The following RAP1GAP variants were observed in gnomAD, a reference collection of about 807,000 sequenced individuals.
RAP1GAP encodes RAP1 GTPase activating protein, also known as rap1 GTPase-activating protein 1.
A neutral mutation model predicts 87.2 loss-of-function variants in RAP1GAP; 35 were observed. The ratio of observed to expected loss-of-function variants is 0.40; its 90% confidence interval spans 0.31 to 0.53. The LOEUF (loss-of-function observed/expected upper bound fraction) is 0.53, where lower values mean the gene tolerates loss of function less well. RAP1GAP is among the 20% of genes least tolerant of loss of function. The probability of loss-of-function intolerance (pLI) is 0.48; values close to 1 mark genes in which losing one functional copy is unlikely to be tolerated. For missense variants in RAP1GAP, 734 were observed against 898.9 expected (o/e 0.82, Z 2.35); for synonymous variants, 375 against 363.9 (o/e 1.03, Z -0.35).
rs1228583458 is a variant in RAP1GAP at position 21,622,349 on chromosome 1, G to A, written c.-18-2299C>T. On this transcript the variant is annotated intron_variant, in intron 3 of 24. Coordinates refer to ENST00000374765, the MANE Select transcript of RAP1GAP (RefSeq NM_002885.4). This position sits in a 1 kb window ranked among gnomAD's most constrained non-coding sequence, Gnocchi z 5.7. The stretch of plus-strand genomic sequence containing the variant: ...CGCCCGGGTCCTCACCTGCCAGCTG[G>A]CCCCCGCGGGCAGCGAGCCCCTCCG... 2 of 470,886 alleles carry A rather than the reference G, an allele frequency of 4.2e-6. No homozygotes were observed. Among genetic ancestry groups the A allele is most frequent in the Admixed American group, 3.8e-5 (1 of 25,978 alleles). The allele number at this position is 470,886 out of a possible 1,614,324, so 29.2% of individuals were successfully genotyped here.
In RAP1GAP at chr1:21,609,152, C is replaced by T. The variant is rs953886527; in HGVS notation, c.1072-216G>A. On this transcript the variant is annotated intron_variant, in intron 15 of 24. Coordinates refer to ENST00000374765, the MANE Select transcript of RAP1GAP (RefSeq NM_002885.4). The surrounding 1 kb of genome is among the most constrained non-coding windows in gnomAD (Gnocchi z 4.4). ...TGCCCTTCATGGCTGCCCACGCCTT[C>T]GGGAGAGCAAACTCCACAGATGTTA... 1.3e-5 allele frequency among the ~76,000 whole-genome samples: 2 copies of T among 152,140 alleles called. No individual in the cohort carries two copies. The highest frequency in any genetic ancestry group is 2.9e-5 in the Non-Finnish European group (2 of 68,022).
intron 19 of RAP1GAP, among the ~76,000 whole-genome samples, 181 bp downstream of exon 19, chr1:21,602,623 G>C (rs374944277): frequency 6.6e-6 from 1 of 152,222 alleles, no homozygotes. Context: ...CATGTGGCAC[G>C]TTAGGTGACG....
intron 2 of RAP1GAP, among the ~76,000 whole-genome samples, chr1:21,631,563 G>C (rs978136646): frequency 2.9e-4 from 44 of 152,320 alleles, no homozygotes; most frequent in African/African-American, 1.0e-3. Flanking sequence ...CCACGCGCCT[G>C]TAATCCTAGC....
intron 3 of RAP1GAP, among the ~76,000 whole-genome samples, chr1:21,623,501 AG>A (rs1185027280): frequency 6.6e-6 from 1 of 152,230 alleles, no homozygotes; most frequent in Non-Finnish European, 1.5e-5. Flanking sequence ...TTGCGGGGGC[AG>A]GGCTGCCCAC....
At chr1:21,627,069 A>G in intron 2 of RAP1GAP, 1 of 449,568 alleles carries the variant, frequency 2.2e-6, no homozygotes, top group Non-Finnish European at 4.5e-6. Flanking sequence ...GAGGAAAGAA[A>G]GCAGGTCTGG....
At chr1:21,619,151 G>A (rs1244416689) in intron 4 of RAP1GAP, 79 bp from the exon 5 acceptor site, 16 of 1,473,404 alleles carry the variant, frequency 1.1e-5, no homozygotes, top group Non-Finnish European at 2.8e-6. Context: ...GCGTGCAAGG[G>A]GAAAGCCCTA....
At chr1:21,606,939 G>C (rs1389389745) in intron 17 of RAP1GAP, among the ~76,000 whole-genome samples, 1 of 152,190 alleles carries the variant, frequency 6.6e-6, no homozygotes, top group Non-Finnish European at 1.5e-5. Context: ...CCTCAAAGGA[G>C]ACACCCCAGA....
intron 3 of RAP1GAP, 49 bp from the exon 4 acceptor site, chr1:21,620,099 C>G: frequency 2.5e-6 from 4 of 1,610,440 alleles, no homozygotes; most frequent in Non-Finnish European, 3.4e-6. Flanking sequence ...CGCCAAGCCC[C>G]AGAGGAGTCT....
At position 21,626,368 on chromosome 1, in the gene RAP1GAP, G is replaced by A. The variant is rs776150969; in HGVS notation, c.-83C>T. 6.8e-6 allele frequency: 11 copies of A among 1,613,298 alleles called. No individual in the cohort carries two copies. The highest frequency in any genetic ancestry group is 1.7e-4 in the Middle Eastern group (1 of 6,058). ...CACTCGTGACAGGTCTAGTGCCTGA[G>A]GGAAGTGCTGGTTCTGCCCATCGCT... On this transcript the variant is annotated 5_prime_UTR_variant, in exon 3 of 25. Coordinates refer to ENST00000374765, the MANE Select transcript of RAP1GAP (RefSeq NM_002885.4).
chr1:21,638,756 G>C (rs1357237581), intron 2 of RAP1GAP, among the ~76,000 whole-genome samples: 2 of 152,164 alleles, frequency 1.3e-5, no homozygotes, highest in Non-Finnish European at 1.5e-5. Context: ...TTAGAGAGCT[G>C]AGCACTCACT....
intron 2 of RAP1GAP, among the ~76,000 whole-genome samples, chr1:21,644,361 C>A (rs1035218275): frequency 6.6e-6 from 1 of 152,196 alleles, no homozygotes; most frequent in Non-Finnish European, 1.5e-5. Flanking sequence ...GGGTGACAAG[C>A]AAACTGGAGC....
Position 21,627,642 on chromosome 1 carries a change from C to T in RAP1GAP, c.-112-1245G>A, listed in dbSNP as rs545292677. Among the ~76,000 whole-genome samples the T allele has an allele frequency of 1.9e-4, 29 of 151,874 alleles. No individual in the cohort carries two copies. In the East Asian group the frequency reaches 3.3e-3, roughly 17 times the overall value. ...GTTGGTCAGGCTGGTCTCGAACTCC[C>T]GACCTCAGGTGATCTGCCCGCCTCA... On this transcript the variant is annotated intron_variant, in intron 2 of 24. Transcript: ENST00000374765.
chr1:21,636,908 G>A (rs987856980), intron 2 of RAP1GAP, among the ~76,000 whole-genome samples: 2 of 122,714 alleles, frequency 1.6e-5, no homozygotes, highest in African/African-American at 6.3e-5. Context: ...AAGGAGGGAA[G>A]GAAGGAAGGG....
chr1:21,616,901 C>G (rs1329731958), intron 7 of RAP1GAP, among the ~76,000 whole-genome samples: 2 of 152,322 alleles, frequency 1.3e-5, no homozygotes, highest in East Asian at 3.9e-4. Flanking sequence ...AAAGACCTTA[C>G]AGATATCAGC....
At chr1:21,658,761 TA>T (rs1220774994) in intron 1 of RAP1GAP, among the ~76,000 whole-genome samples, 1 of 151,600 alleles carries the variant, frequency 6.6e-6, no homozygotes, top group African/African-American at 2.4e-5. Context: ...ATATTTTTAA[TA>T]AATAGGTGCC....
rs1200983411 is a variant in RAP1GAP, at chr1:21,611,826, A to AG, written c.613-11dup. The AG allele has an allele frequency of 6.3e-7, 1 of 1,598,964 alleles. No individual in the cohort carries two copies. ...GTTCTTCCTCGGAGGTCTGGGGATG[A>AG]GGGGCCAAGGTCATTGAGCTGGAGT... is the stretch of plus-strand genomic sequence containing the variant. On this transcript the variant is annotated splice_polypyrimidine_tract_variant and intron_variant, in intron 11 of 24. Transcript: ENST00000374765.
At chr1:21,619,122 G>A (rs555447748) in intron 4 of RAP1GAP, 50 bp from the exon 5 acceptor site, 15 of 1,539,912 alleles carry the variant, frequency 9.7e-6, no homozygotes, top group Non-Finnish European at 1.3e-5. Flanking sequence ...GCCGCCAGGC[G>A]CTGCCTCCCC....
At position 21,618,885 on chromosome 1, in the gene RAP1GAP, C is replaced by T. The variant is rs2084322759; in HGVS notation, c.66+140G>A. ...CTACCCTGCTAGAAGCTGTGCCTCC[C>T]CCCCTACCCCCGCACCTGGCACACT... is the stretch of plus-strand genomic sequence containing the variant. On this transcript the variant is annotated intron_variant, in intron 5 of 24. Coordinates refer to ENST00000374765, the MANE Select transcript of RAP1GAP (RefSeq NM_002885.4). 1.5e-5 allele frequency: 15 copies of T among 980,584 alleles called. 1 individual carries two copies. Among genetic ancestry groups the T allele is most frequent in the South Asian group, 1.3e-4 (8 of 63,506 alleles). The allele number at this position is 980,584 out of a possible 1,614,324, so 60.7% of individuals were successfully genotyped here.
At chr1:21,653,578 T>C (rs964468589) in intron 1 of RAP1GAP, among the ~76,000 whole-genome samples, 9 of 133,044 alleles carry the variant, frequency 6.8e-5, no homozygotes, top group Admixed American at 3.7e-4. Flanking sequence ...CTTCCTTCCT[T>C]CCTTCCTTCC....
Sources: allele counts gnomAD v4.1 joint callset (sites outside exome capture counted in the v4.1 genomes callset), GRCh38; gene constraint gnomAD v4.1.1; non-coding constraint Gnocchi (gnomAD v3.1); transcripts MANE v1.5; gene names NCBI Gene and HGNC (gene_info 2026-07-23, HGNC 2026-07-21).